LRP1B: variants seen among roughly 807,000 people sequenced by gnomAD.
LRP1B encodes LDL receptor related protein 1B.
In LRP1B, 217 loss-of-function variants were observed where a neutral mutation model predicts 556.6. That is an observed-to-expected ratio of 0.39 (90% CI 0.35 to 0.44). The LOEUF (loss-of-function observed/expected upper bound fraction) is 0.44. Ranked by LOEUF, LRP1B falls within the 20% of genes least tolerant of loss-of-function variation. The probability of loss-of-function intolerance (pLI) is 1.00; values close to 1 mark genes in which losing one functional copy is unlikely to be tolerated. For missense variants in LRP1B, 5,053 were observed against 5,620.8 expected (o/e 0.90, Z 3.23); for synonymous variants, 2,047 against 1,865.8 (o/e 1.10, Z -2.50).
intron 41 of LRP1B, among the ~76,000 whole-genome samples, chr2:140,611,255 C>A (rs1285941390): frequency 6.6e-6 from 1 of 152,084 alleles, no homozygotes; most frequent in African/African-American, 2.4e-5. Flanking sequence ...GTTCCTTATG[C>A]CTTGTAATAA....
At chr2:142,130,375 C>A (rs1397394184) in intron 1 of LRP1B, among the ~76,000 whole-genome samples, 2 of 152,190 alleles carry the variant, frequency 1.3e-5, no homozygotes, top group African/African-American at 4.8e-5. Context: ...GACAGAAGCG[C>A]ACAGCCAAGT....
intron 3 of LRP1B, among the ~76,000 whole-genome samples, chr2:141,291,240 A>G (rs1685936053): frequency 6.6e-6 from 1 of 152,162 alleles, no homozygotes; most frequent in African/African-American, 2.4e-5. Context: ...TACTTTTGTG[A>G]GAAAATTGTT....
chr2:141,557,055 T>C (rs1297401646), intron 2 of LRP1B, among the ~76,000 whole-genome samples: 1 of 151,792 alleles, frequency 6.6e-6, no homozygotes, highest in Non-Finnish European at 1.5e-5. Context: ...ACAAAAAGCA[T>C]AGTTTAAATA....
rs74487348 is a variant in LRP1B, at chr2:141,467,877, C to T, written c.343+12519G>A. On this transcript the variant is annotated intron_variant, in intron 3 of 90. Coordinates refer to ENST00000389484, the MANE Select transcript of LRP1B (RefSeq NM_018557.3). Reference sequence around the variant, plus strand: ...ATTCCAGCATACAGTGTAGCACATACTATCCCTAGAAGTTGTTCTGCAAAG... The same window carrying T: ...ATTCCAGCATACAGTGTAGCACATATTATCCCTAGAAGTTGTTCTGCAAAG... 3.2e-3 allele frequency among the ~76,000 whole-genome samples: 476 copies of T among 148,830 alleles called. 7 individuals are homozygous for T. Among genetic ancestry groups the T allele is most frequent in the African/African-American group, 0.011 (424 of 40,292 alleles).
At chr2:140,628,721 G>A (rs1039168827) in intron 41 of LRP1B, among the ~76,000 whole-genome samples, 2 of 151,984 alleles carry the variant, frequency 1.3e-5, no homozygotes, top group South Asian at 2.1e-4. Context: ...GTTAGGATTT[G>A]CATCCCCACC....
chr2:140,242,638 A>C (rs1680996349), intron 87 of LRP1B, among the ~76,000 whole-genome samples: 1 of 151,096 alleles, frequency 6.6e-6, no homozygotes, highest in Non-Finnish European at 1.5e-5. Context: ...TGTTCTGGGA[A>C]TATAAAGGAG....
intron 2 of LRP1B, among the ~76,000 whole-genome samples, chr2:141,546,383 C>G (rs1319227403): frequency 1.3e-5 from 2 of 152,160 alleles, no homozygotes; most frequent in African/African-American, 4.8e-5. Flanking sequence ...GGGTATCTAA[C>G]TGCTGATCCT....
chr2:141,527,405 G>A (rs79402774), intron 2 of LRP1B, among the ~76,000 whole-genome samples: 5,157 of 150,002 alleles, frequency 0.034, 142 homozygotes, highest in South Asian at 0.12. Context: ...AAAAATACAG[G>A]CATTTTACAA....
At chr2:141,575,854 A>G (rs531709419) in intron 2 of LRP1B, among the ~76,000 whole-genome samples, 1 of 152,344 alleles carries the variant, frequency 6.6e-6, no homozygotes, top group African/African-American at 2.4e-5. Context: ...AAAGCTCAAC[A>G]TCACTGATCA....
Position 141,863,912 on chromosome 2 carries a change from T to C in LRP1B, c.83-53511A>G, listed in dbSNP as rs184698262. Among the ~76,000 whole-genome samples, 32 of 152,292 alleles carry C rather than the reference T, an allele frequency of 2.1e-4. 1 individual carries two copies. Among genetic ancestry groups the C allele is most frequent in the African/African-American group, 7.2e-4 (30 of 41,568 alleles). On this transcript the variant is annotated intron_variant, in intron 1 of 90. Coordinates refer to ENST00000389484, the MANE Select transcript of LRP1B (RefSeq NM_018557.3). ...TTATAAGACAGGAAGACTATGGCTA[T>C]CAAAATATTCTAACACAATATATTG...
chr2:142,016,723 T>C (rs1016357824), intron 1 of LRP1B, among the ~76,000 whole-genome samples: 7 of 151,958 alleles, frequency 4.6e-5, no homozygotes, highest in Non-Finnish European at 1.5e-5. Context: ...AAATACCTAA[T>C]GTAGATGACG....
chr2:140,702,876 T>C (rs190731206), intron 37 of LRP1B, among the ~76,000 whole-genome samples: 1 of 152,224 alleles, frequency 6.6e-6, no homozygotes, highest in Non-Finnish European at 1.5e-5. Flanking sequence ...ACTATTTCTT[T>C]CCAGAAGCCT....
intron 41 of LRP1B, among the ~76,000 whole-genome samples, chr2:140,610,834 G>A (rs1683047027): frequency 6.6e-6 from 1 of 152,202 alleles, no homozygotes; most frequent in Admixed American, 6.5e-5. Context: ...GCCTCCCAAT[G>A]TGCCGGGATT....
chr2:140,932,945 A>G (rs1479705548), intron 20 of LRP1B, among the ~76,000 whole-genome samples: 3 of 150,332 alleles, frequency 2.0e-5, no homozygotes, highest in East Asian at 2.0e-4. Context: ...ATACACATAT[A>G]CACATATACA....
At chr2:141,282,770 A>G (rs1573751154) in intron 3 of LRP1B, among the ~76,000 whole-genome samples, 3 of 152,138 alleles carry the variant, frequency 2.0e-5, no homozygotes, top group South Asian at 2.1e-4. Context: ...AGAAGTGTCC[A>G]TGGTTTCCAG....
chr2:140,254,788 G>A lies in LRP1B; in HGVS notation c.13248-7626C>T, dbSNP rs188196435. ...AGGCTGGTCTCAAACTCCTGACCTC[G>A]TGATCCTCCCGCCTTGGCCTCTGAA... On this transcript the variant is annotated intron_variant, in intron 86 of 90. Coordinates refer to ENST00000389484, the MANE Select transcript of LRP1B (RefSeq NM_018557.3). Among the ~76,000 whole-genome samples the A allele has an allele frequency of 1.2e-4, 18 of 152,006 alleles. No individual in the cohort carries two copies. In the East Asian group the frequency reaches 3.1e-3, roughly 26 times the overall value.
chr2:141,739,760 A>T (rs2105538354), intron 2 of LRP1B, among the ~76,000 whole-genome samples: 1 of 152,124 alleles, frequency 6.6e-6, no homozygotes, highest in South Asian at 2.1e-4. Flanking sequence ...TTTCTTTAAA[A>T]TAAGGTATTC....
intron 2 of LRP1B, among the ~76,000 whole-genome samples, chr2:141,540,836 C>G (rs1347182157): frequency 6.6e-6 from 1 of 151,976 alleles, no homozygotes; most frequent in Non-Finnish European, 1.5e-5. Flanking sequence ...ACTGCCAGTA[C>G]TACTCTTATG....
chr2:141,232,209 AC>A (rs1234129682), intron 5 of LRP1B, among the ~76,000 whole-genome samples: 1 of 152,068 alleles, frequency 6.6e-6, no homozygotes, highest in African/African-American at 2.4e-5. Flanking sequence ...TTGTCATTTT[AC>A]TGTTGACCTT....
Sources: allele counts gnomAD v4.1 joint callset (sites outside exome capture counted in the v4.1 genomes callset), GRCh38; gene constraint gnomAD v4.1.1; transcripts MANE v1.5; gene names NCBI Gene and HGNC (gene_info 2026-07-23, HGNC 2026-07-21).